The following NEB variants were observed in gnomAD, a reference collection of about 807,000 sequenced individuals.
NEB encodes nebulin, also known as nemaline myopathy type 2.
A neutral mutation model predicts 952.2 loss-of-function variants in NEB; 512 were observed. The ratio of observed to expected loss-of-function variants is 0.54; its 90% confidence interval spans 0.50 to 0.58. The LOEUF is 0.58. Among genes scored for constraint, NEB ranks in the 20% least tolerant of loss-of-function variants. The pLI is 0.00. For synonymous variants in NEB, 2,900 were observed against 3,149.8 expected (o/e 0.92, Z 2.66); for missense variants, 8,428 against 9,231.1 (o/e 0.91, Z 3.56).
chr2:151,666,414 A>C lies in NEB; in HGVS notation c.4720-13T>G. The C allele has an allele frequency of 3.7e-6, 6 of 1,607,948 alleles. No individual in the cohort carries two copies. In the Middle Eastern group the frequency reaches 6.6e-4, roughly 178 times the overall value. ...CCTTATATTTGCACTATTTGAAAAC[A>C]AAGGGCAAACAGAAGTTGGCTAGCA... On this transcript the variant is annotated splice_polypyrimidine_tract_variant and intron_variant, in intron 40 of 181. Coordinates refer to ENST00000397345, the MANE Select transcript of NEB (RefSeq NM_001164508.2).
intron 13 of NEB, among the ~76,000 whole-genome samples, chr2:151,697,875 G>A (rs902718373): frequency 1.8e-4 from 27 of 152,176 alleles, no homozygotes; most frequent in Non-Finnish European, 3.7e-4. Context: ...GACAAGCCTA[G>A]CCAACAAAGT....
chr2:151,578,730 G>C (rs1345904769), intron 105 of NEB, among the ~76,000 whole-genome samples: 4 of 147,348 alleles, frequency 2.7e-5, no homozygotes, highest in Non-Finnish European at 4.5e-5. Context: ...AAGGAGGGAA[G>C]GAAGGAAGGA....
At chr2:151,569,225 T>C in intron 110 of NEB, 43 bp downstream of exon 110, 2 of 1,522,692 alleles carry the variant, frequency 1.3e-6, no homozygotes, top group Non-Finnish European at 1.8e-6. Context: ...TTTGTCACTT[T>C]CTTGGGAAAT....
chr2:151,693,810 T>A, intron 20 of NEB, among the ~76,000 whole-genome samples: 1 of 152,192 alleles, frequency 6.6e-6, no homozygotes, highest in East Asian at 1.9e-4. Context: ...TTAATAAGTA[T>A]GTTAAAGTCT....
At chr2:151,668,603 G>T (rs2099248735) in intron 39 of NEB, among the ~76,000 whole-genome samples, 1 of 152,026 alleles carries the variant, frequency 6.6e-6, no homozygotes, top group Non-Finnish European at 1.5e-5. Context: ...TAGATGTCTA[G>T]ACCACTCAAG....
chr2:151,509,333 G>A (rs903112798), intron 161 of NEB, among the ~76,000 whole-genome samples: 12 of 144,392 alleles, frequency 8.3e-5, no homozygotes, highest in African/African-American at 3.0e-4. Context: ...AAGGAAAACA[G>A]TTCTCATTGT....
chr2:151,515,196 G>A (rs1301481646), intron 157 of NEB, among the ~76,000 whole-genome samples: 1 of 152,184 alleles, frequency 6.6e-6, no homozygotes, highest in Non-Finnish European at 1.5e-5. Flanking sequence ...CCTTCACAGA[G>A]TGGAAGGATG....
At chr2:151,690,887 A>G in intron 23 of NEB, 62 bp from the exon 24 acceptor site, 1 of 1,244,064 alleles carries the variant, frequency 8.0e-7, no homozygotes, top group South Asian at 1.3e-5. Flanking sequence ...ATGCGCTAAC[A>G]TAAAAAATGG....
chr2:151,576,758 C>G (rs1443824608), intron 105 of NEB, among the ~76,000 whole-genome samples: 1 of 151,572 alleles, frequency 6.6e-6, no homozygotes, highest in Non-Finnish European at 1.5e-5. Flanking sequence ...TGGTCTCAAA[C>G]CCCTGACCTC....
At chr2:151,613,092 T>C (rs947762580) in intron 77 of NEB, among the ~76,000 whole-genome samples, 18 of 152,192 alleles carry the variant, frequency 1.2e-4, no homozygotes, top group Non-Finnish European at 2.6e-4. Context: ...GGAATCTCTC[T>C]TTTTTTAACT....
chr2:151,505,391 A>G, intron 165 of NEB, 87 bp downstream of exon 165: 2 of 1,156,016 alleles, frequency 1.7e-6, no homozygotes, highest in African/African-American at 1.5e-5. Context: ...GAAGCTCTTG[A>G]TAGGAAGCAG....
In NEB at chr2:151,518,237, G is replaced by A. The variant is rs980934383; in HGVS notation, c.22800+81C>T. On this transcript the variant is annotated intron_variant, in intron 156 of 181. Coordinates refer to ENST00000397345, the MANE Select transcript of NEB (RefSeq NM_001164508.2). ...TCTTTGTGCATTTTCTCAAACAATGGAGGGAATCTATGAAATTTTTTTTCA... is the reference window on the plus strand; with the variant it reads ...TCTTTGTGCATTTTCTCAAACAATGAAGGGAATCTATGAAATTTTTTTTCA... 1.0e-5 allele frequency: 10 copies of A among 987,538 alleles called. No individual in the cohort carries two copies. In the African/African-American group the frequency reaches 1.6e-4, roughly 16 times the overall value. 61.2% of individuals were successfully genotyped at this position (987,538 alleles called of 1,614,324 possible). A position where few individuals can be genotyped will look rare whatever the true frequency, so the allele number is the denominator to read the frequency against.
intron 40 of NEB, among the ~76,000 whole-genome samples, chr2:151,667,258 T>C (rs535889614): frequency 6.6e-6 from 1 of 152,142 alleles, no homozygotes; most frequent in East Asian, 1.9e-4. Flanking sequence ...TTAGTGATAT[T>C]TTAGTATATC....
At chr2:151,636,356 T>C in intron 63 of NEB, 22 bp from the exon 64 acceptor site, 1 of 1,553,988 alleles carries the variant, frequency 6.4e-7, no homozygotes, top group Non-Finnish European at 8.8e-7. Flanking sequence ...GGAAAAAAAA[T>C]CAGATGCTGA....
Position 151,490,450 on chromosome 2 carries a change from C to T in NEB, c.25219G>A (p.Glu8407Lys), listed in dbSNP as rs766943894. ...ASALSISGGE[E>K]KSEHSEAPDH... ...GGTGCTTCTGAATGCTCAGACTTCT[C>T]CTCACCCCCACTGATGCTTAGTGCA... is the stretch of plus-strand genomic sequence containing the variant. The change falls in exon 180 of 182, where the codon GAG becomes AAG. Residue 8407 changes from glutamate to lysine, a missense_variant. Glu to Lys is a moderately conservative substitution (Grantham distance 56). Coordinates refer to ENST00000397345, the MANE Select transcript of NEB (RefSeq NM_001164508.2). 8 of 1,606,570 alleles carry T rather than the reference C, an allele frequency of 5.0e-6. No homozygotes were observed. The highest frequency in any genetic ancestry group is 4.5e-5 in the South Asian group (4 of 89,190).
chr2:151,493,063 C>T (rs1307623721), intron 176 of NEB: 3 of 309,934 alleles, frequency 9.7e-6, no homozygotes, highest in African/African-American at 4.4e-5. Context: ...TAGTTGGTTA[C>T]GTAGAACTAC....
At chr2:151,718,431 C>A (rs771390456) in intron 9 of NEB, among the ~76,000 whole-genome samples, 2 of 152,150 alleles carry the variant, frequency 1.3e-5, no homozygotes, top group East Asian at 3.8e-4. Flanking sequence ...TTTCACAGCC[C>A]ATTATGAGTC....
chr2:151,562,809 CTAATA>C lies in NEB; in HGVS notation c.18694-6_18694-2del, dbSNP rs1377029367. ...CCTCATAATGTTTTCTGTAGTTCAA[CTAATA>C]TGTTTTAAAGACAAAAATAAGAAAG... is the stretch of plus-strand genomic sequence containing the variant. On this transcript the variant is annotated splice_acceptor_variant and splice_polypyrimidine_tract_variant and intron_variant, in intron 119 of 181. Transcript: ENST00000397345. LOFTEE classifies it high-confidence loss of function. 4 of 1,551,076 alleles carry C rather than the reference CTAATA, an allele frequency of 2.6e-6. No individual in the cohort carries two copies. In the Admixed American group the frequency reaches 7.7e-5, roughly 30 times the overall value.
intron 15 of NEB, 44 bp downstream of exon 15, chr2:151,697,306 G>C: frequency 6.2e-7 from 1 of 1,609,764 alleles, no homozygotes; most frequent in Non-Finnish European, 8.5e-7. Context: ...CATGCCCTGA[G>C]AAAAATGTTA....
Sources: allele counts gnomAD v4.1 joint callset (sites outside exome capture counted in the v4.1 genomes callset), GRCh38; gene constraint gnomAD v4.1.1; transcripts MANE v1.5; gene names NCBI Gene and HGNC (gene_info 2026-07-23, HGNC 2026-07-21).